The following NUP214 variants were observed in gnomAD, a reference collection of about 807,000 sequenced individuals.
NUP214 encodes nucleoporin 214.
Under a neutral mutation model 196.2 loss-of-function variants are expected in NUP214, and 79 were observed. The observed-to-expected ratio is 0.40, with a 90% CI of 0.34 to 0.49. The LOEUF (loss-of-function observed/expected upper bound fraction) is 0.49, where lower values mean the gene tolerates loss of function less well. Among genes scored for constraint, NUP214 ranks in the 20% least tolerant of loss-of-function variants. The probability of loss-of-function intolerance (pLI) is 0.58; values close to 1 mark genes in which losing one functional copy is unlikely to be tolerated. For synonymous variants in NUP214, 1,020 were observed against 990.5 expected (o/e 1.03, Z -0.56); for missense variants, 2,468 against 2,539.0 (o/e 0.97, Z 0.60).
rs1002817798 is a variant in NUP214, at chr9:131,223,023, TAAGAG to T, written c.5902+95_5902+99del. 9.5e-6 allele frequency: 12 copies of T among 1,258,870 alleles called. No individual in the cohort carries two copies. The African/African-American group carries it at 1.5e-4, about 16-fold the overall frequency. 78.0% of individuals were successfully genotyped at this position (1,258,870 alleles called of 1,614,324 possible). A position where few individuals can be genotyped will look rare whatever the true frequency, so the allele number is the denominator to read the frequency against. On this transcript the variant is annotated intron_variant, in intron 32 of 35. Transcript: ENST00000359428. ...GGAGACATCTCTAGGGTGGTTATCT[TAAGAG>T]AGTAGGATTGGAGTAAAGAAGTTAA...
At chr9:131,211,864 A>G (rs1834250624) in intron 30 of NUP214, among the ~76,000 whole-genome samples, 1 of 152,232 alleles carries the variant, frequency 6.6e-6, no homozygotes, top group Non-Finnish European at 1.5e-5. Context: ...GTGTTTGAAC[A>G]ATATGAAATC....
In NUP214 at chr9:131,127,582, C is replaced by T; in HGVS notation, c.104C>T (p.Pro35Leu). Residue 35 changes from proline to leucine, a missense_variant, in exon 2 of 36, where the codon CCC (proline) becomes CTC (leucine). Pro to Leu is a moderately conservative substitution (Grantham distance 98, BLOSUM62 -3). Transcript: ENST00000359428. ...ATCTTTGACTCCCCTGAGGAATTGC[C>T]CAAGGAACGCTCGAGTCTGCTTGCT... Reference protein sequence around the residue: ...VRIFDSPEELPKERSSLLAVS... With the variant: ...VRIFDSPEELLKERSSLLAVS... 6.2e-7 allele frequency: 1 copy of T among 1,613,886 alleles called. No individual in the cohort carries two copies. The highest frequency in any genetic ancestry group is 8.5e-7 in the Non-Finnish European group (1 of 1,179,922).
intron 24 of NUP214, among the ~76,000 whole-genome samples, chr9:131,182,829 T>C (rs1159693484): frequency 6.6e-6 from 1 of 152,218 alleles, no homozygotes; most frequent in Non-Finnish European, 1.5e-5. Context: ...TAAATGTCTC[T>C]ATGACTCTAT....
intron 30 of NUP214, among the ~76,000 whole-genome samples, chr9:131,207,661 T>C (rs1189539653): frequency 1.3e-5 from 2 of 152,262 alleles, no homozygotes; most frequent in Admixed American, 1.3e-4. Context: ...AGAGGCCGCC[T>C]CTTGCTCTAG....
intron 18 of NUP214, 131 bp downstream of exon 18, chr9:131,159,617 G>A (rs1406222567): frequency 2.7e-6 from 2 of 728,240 alleles, no homozygotes; most frequent in Non-Finnish European, 4.6e-6. Flanking sequence ...CAGCACTTTG[G>A]CAGGCCGAGG....
chr9:131,228,392 T>C, intron 33 of NUP214, 61 bp downstream of exon 33: 1 of 1,488,228 alleles, frequency 6.7e-7, no homozygotes, highest in South Asian at 1.3e-5. Context: ...ACTAGGGGCC[T>C]GTACTCTTGC....
intron 10 of NUP214, 136 bp downstream of exon 10, chr9:131,139,543 A>C (rs1409557164): frequency 7.7e-6 from 10 of 1,297,458 alleles, no homozygotes; most frequent in Non-Finnish European, 9.4e-6. Context: ...TTTCTCCCTG[A>C]AGAGTGATAA....
chr9:131,216,525 C>T (rs1564215991), intron 31 of NUP214, among the ~76,000 whole-genome samples: 1 of 126,274 alleles, frequency 7.9e-6, no homozygotes, highest in East Asian at 2.4e-4. Context: ...CACGCCCAGG[C>T]TTTTTTTTTT....
At chr9:131,180,104 G>T (rs1421096173) in intron 24 of NUP214, among the ~76,000 whole-genome samples, 1 of 152,160 alleles carries the variant, frequency 6.6e-6, no homozygotes, top group East Asian at 1.9e-4. Context: ...GCTGATCTTT[G>T]ATGAAGGGTT....
chr9:131,152,786 AT>A lies in NUP214; in HGVS notation c.2436+905del, dbSNP rs938511432. Among the ~76,000 whole-genome samples, 714 of 146,810 alleles carry A rather than the reference AT, an allele frequency of 4.9e-3. 5 individuals carry two copies. Among genetic ancestry groups the A allele is most frequent in the African/African-American group, 9.0e-3 (361 of 40,226 alleles). On this transcript the variant is annotated intron_variant, in intron 17 of 35. Transcript: ENST00000359428. ...CACTTAACTTTTCTCTTGAAAAAAAATTTTTTTTTTTTTGAGACTGAGTCTC... is the reference window on the plus strand; with the variant it reads ...CACTTAACTTTTCTCTTGAAAAAAAATTTTTTTTTTTTGAGACTGAGTCTC...
intron 21 of NUP214, among the ~76,000 whole-genome samples, chr9:131,169,179 C>T (rs910424682): frequency 2.6e-5 from 4 of 151,756 alleles, no homozygotes; most frequent in African/African-American, 9.7e-5. Context: ...ACTACAGCTG[C>T]GTGCCACCAA....
At chr9:131,228,077 G>T in intron 32 of NUP214, 83 bp from the exon 33 acceptor site, 1 of 1,332,428 alleles carries the variant, frequency 7.5e-7, no homozygotes, top group South Asian at 1.7e-5. Context: ...TTTTGATTTG[G>T]TTTCTCATTG....
intron 30 of NUP214, among the ~76,000 whole-genome samples, chr9:131,214,466 C>T (rs12350977): frequency 0.049 from 7,462 of 152,228 alleles, 290 homozygotes; most frequent in African/African-American, 0.11. Context: ...GGCCCCTTTC[C>T]AAAGTCCATC....
At chr9:131,219,460 G>A (rs531003131) in intron 31 of NUP214, among the ~76,000 whole-genome samples, 7 of 152,324 alleles carry the variant, frequency 4.6e-5, no homozygotes, top group African/African-American at 9.6e-5. Flanking sequence ...CTGAGAAGTC[G>A]TGAGAACTAT....
chr9:131,160,297 G>A (rs1285432398), intron 18 of NUP214, among the ~76,000 whole-genome samples: 5 of 152,118 alleles, frequency 3.3e-5, no homozygotes, highest in Non-Finnish European at 5.9e-5. Context: ...CAAAATATTC[G>A]TAGTTATATC....
Position 131,174,035 on chromosome 9 carries a change from T to G in NUP214, c.2894-20T>G. ...TTGCTTTGAGTTGTCTAAATTGTGT[T>G]TTGTTTGGGGCTTTTGTAGCCAGCC... On this transcript the variant is annotated intron_variant, in intron 21 of 35. Transcript: ENST00000359428. 1 of 1,609,358 alleles carries G rather than the reference T, an allele frequency of 6.2e-7. No individual in the cohort carries two copies. The highest frequency in any genetic ancestry group is 8.5e-7 in the Non-Finnish European group (1 of 1,178,828).
intron 22 of NUP214, 132 bp from the exon 23 acceptor site, chr9:131,175,328 A>G: frequency 9.7e-7 from 1 of 1,026,274 alleles, no homozygotes; most frequent in Non-Finnish European, 1.4e-6. Context: ...CTGTTAGTTT[A>G]CTGGTACTTT....
At chr9:131,174,392 C>T in intron 22 of NUP214, 74 bp downstream of exon 22, 1 of 1,301,422 alleles carries the variant, frequency 7.7e-7, no homozygotes, top group African/African-American at 1.6e-5. Flanking sequence ...GTAACTGGGT[C>T]TTATACTGTC....
At chr9:131,230,862 T>G in intron 34 of NUP214, 93 bp downstream of exon 34, 2 of 1,415,372 alleles carry the variant, frequency 1.4e-6, no homozygotes, top group South Asian at 2.6e-5. Flanking sequence ...GACCAGTCTG[T>G]TTAGTATTTT....
Sources: allele counts gnomAD v4.1 joint callset (sites outside exome capture counted in the v4.1 genomes callset), GRCh38; gene constraint gnomAD v4.1.1; transcripts MANE v1.5; gene names NCBI Gene and HGNC (gene_info 2026-07-23, HGNC 2026-07-21).